Variants in ASAP1 observed in about 807,000 individuals in gnomAD.
ASAP1 encodes arf-GAP with SH3 domain, ANK repeat and PH domain-containing protein 1.
In ASAP1, 43 loss-of-function variants were observed where a neutral mutation model predicts 145.2. The ratio of observed to expected loss-of-function variants is 0.30; its 90% CI spans 0.23 to 0.38. ASAP1 has a LOEUF of 0.38. Among genes scored for constraint, ASAP1 ranks in the 10% least tolerant of loss-of-function variants. The probability of loss-of-function intolerance (pLI) is 1.00; values close to 1 mark genes in which losing one functional copy is unlikely to be tolerated. For synonymous variants in ASAP1, 546 were observed against 515.5 expected, an observed-to-expected ratio of 1.06 and a Z score of -0.80; for missense variants, 1,018 against 1,355.3, an observed-to-expected ratio of 0.75 and a Z score of 3.91.
At chr8:130,297,932 G>T (rs892332012) in intron 3 of ASAP1, among the ~76,000 whole-genome samples, 2 of 152,154 alleles carry the variant, frequency 1.3e-5, no homozygotes, top group African/African-American at 4.8e-5. Flanking sequence ...TGGCCAGAGA[G>T]GCCATTGTCT....
At chr8:130,127,672 T>TA (rs1372496084) in intron 16 of ASAP1, among the ~76,000 whole-genome samples, 1 of 152,158 alleles carries the variant, frequency 6.6e-6, no homozygotes, top group Non-Finnish European at 1.5e-5. Flanking sequence ...ATGGTGCTTA[T>TA]ATACCTGGAC....
At chr8:130,143,123 G>A (rs1182824745) in intron 13 of ASAP1, among the ~76,000 whole-genome samples, 2 of 152,196 alleles carry the variant, frequency 1.3e-5, no homozygotes, top group Admixed American at 6.5e-5. Flanking sequence ...CATTGTTCCT[G>A]AAGGCTGTCT....
chr8:130,210,746 A>G (rs956956483), intron 5 of ASAP1, among the ~76,000 whole-genome samples: 1 of 152,196 alleles, frequency 6.6e-6, no homozygotes, highest in Non-Finnish European at 1.5e-5. Context: ...CTCAATCCCT[A>G]ATTGCACCAT....
chr8:130,374,440 C>T (rs1163097005), intron 2 of ASAP1, among the ~76,000 whole-genome samples: 1 of 152,164 alleles, frequency 6.6e-6, no homozygotes, highest in African/African-American at 2.4e-5. Flanking sequence ...GAGTCCAAGG[C>T]AGGAGGATTG....
chr8:130,134,262 C>G, intron 15 of ASAP1, 34 bp downstream of exon 15: 2 of 1,508,986 alleles, frequency 1.3e-6, no homozygotes, highest in Middle Eastern at 1.7e-4. Flanking sequence ...TTTTTCAATC[C>G]AAGGCATCGC....
intron 3 of ASAP1, among the ~76,000 whole-genome samples, chr8:130,355,202 A>G (rs987786857): frequency 6.6e-6 from 1 of 152,150 alleles, no homozygotes; most frequent in African/African-American, 2.4e-5. Context: ...TTTCTCATCT[A>G]CTTCCAAGAG....
At chr8:130,060,105 A>G (rs1226360398) in intron 28 of ASAP1, among the ~76,000 whole-genome samples, 1 of 140,180 alleles carries the variant, frequency 7.1e-6, no homozygotes, top group Non-Finnish European at 1.6e-5. Context: ...AAAAAAAAAA[A>G]TAGAGAGAGA....
chr8:130,267,055 C>T (rs1442952211), intron 3 of ASAP1, among the ~76,000 whole-genome samples: 1 of 148,580 alleles, frequency 6.7e-6, no homozygotes, highest in Non-Finnish European at 1.5e-5. Flanking sequence ...AAAAAGTAGT[C>T]ATTAAGAGGA....
chr8:130,165,577 A>G lies in ASAP1; in HGVS notation c.909+1959T>C, dbSNP rs73712882. Among the ~76,000 whole-genome samples, 698 of 152,282 alleles carry G rather than the reference A, an allele frequency of 4.6e-3. 9 individuals are homozygous for G. The highest frequency in any genetic ancestry group is 0.016 in the African/African-American group (676 of 41,554). Reference sequence around the variant, plus strand: ...GTCTAATACTTGGAAATTCTTGTAAATCACAGTCAGAGGCCTCAAACCACA... The same window carrying G: ...GTCTAATACTTGGAAATTCTTGTAAGTCACAGTCAGAGGCCTCAAACCACA... On this transcript the variant is annotated intron_variant, in intron 11 of 29. Transcript: ENST00000518721.
At chr8:130,075,438 G>C (rs1410825093) in intron 27 of ASAP1, among the ~76,000 whole-genome samples, 3 of 152,202 alleles carry the variant, frequency 2.0e-5, no homozygotes, top group Non-Finnish European at 4.4e-5. Flanking sequence ...CCCCCAGTTT[G>C]ACTTCTGCTC....
At chr8:130,326,390 A>T (rs1341238388) in intron 3 of ASAP1, among the ~76,000 whole-genome samples, 1 of 152,254 alleles carries the variant, frequency 6.6e-6, no homozygotes, top group East Asian at 1.9e-4. Context: ...ATAAAACATC[A>T]GTGCTGCAAT....
At chr8:130,375,814 C>T (rs1827461326) in intron 2 of ASAP1, among the ~76,000 whole-genome samples, 1 of 152,158 alleles carries the variant, frequency 6.6e-6, no homozygotes, top group Non-Finnish European at 1.5e-5. Flanking sequence ...AGGTTAAATA[C>T]TAAAAAGCAT....
intron 13 of ASAP1, among the ~76,000 whole-genome samples, chr8:130,144,490 T>C (rs2097622264): frequency 1.3e-5 from 2 of 152,226 alleles, no homozygotes; most frequent in Admixed American, 6.5e-5. Flanking sequence ...TGAACAAATC[T>C]CTTCTCACTT....
chr8:130,284,043 A>C (rs1226428940), intron 3 of ASAP1, among the ~76,000 whole-genome samples: 1 of 152,274 alleles, frequency 6.6e-6, no homozygotes, highest in East Asian at 1.9e-4. Context: ...GCTTTTTGTT[A>C]GACTCATCAT....
intron 5 of ASAP1, among the ~76,000 whole-genome samples, chr8:130,194,865 G>A (rs1815373808): frequency 6.6e-6 from 1 of 152,136 alleles, no homozygotes; most frequent in Non-Finnish European, 1.5e-5. Context: ...GAGTCAGCAG[G>A]GGTTGGGGGC....
chr8:130,353,212 C>T (rs1272050822), intron 3 of ASAP1, among the ~76,000 whole-genome samples: 1 of 152,200 alleles, frequency 6.6e-6, no homozygotes, highest in African/African-American at 2.4e-5. Flanking sequence ...ATCTGGATAA[C>T]CCCAATACCT....
At chr8:130,214,506 A>G (rs2303444) in intron 5 of ASAP1, 50 bp downstream of exon 5, 174,066 of 1,508,802 alleles carry the variant, frequency 0.12, 11,753 homozygotes, top group South Asian at 0.26. Context: ...ATATGACGTA[A>G]TATTTTGGAA....
At position 130,092,014 on chromosome 8, in the gene ASAP1, G is replaced by C; in HGVS notation, c.2531C>G (p.Pro844Arg). ...HKRTLSDPPSPLPHGPPNKGA... is the reference protein window; with the variant it reads ...HKRTLSDPPSRLPHGPPNKGA... ...TTTGTTTGGGGGCCCATGAGGTAGT[G>C]GGCTGGGAGGGTCGGATAGGGTTCT... is the stretch of plus-strand genomic sequence containing the variant. The change falls in exon 25 of 30, where the codon CCA becomes CGA. Residue 844 changes from proline (P) to arginine (R), a missense_variant. Transcript: ENST00000518721. The C allele has an allele frequency of 1.3e-6, 2 of 1,570,030 alleles. No homozygotes were observed. Among genetic ancestry groups the C allele is most frequent in the Non-Finnish European group, 1.7e-6 (2 of 1,163,110 alleles).
intron 3 of ASAP1, among the ~76,000 whole-genome samples, chr8:130,324,650 T>C (rs1824212818): frequency 6.6e-6 from 1 of 152,172 alleles, no homozygotes; most frequent in African/African-American, 2.4e-5. Flanking sequence ...TTAGGAAGCA[T>C]AATTCGTAAA....
Sources: gnomAD v4.1 joint callset for allele counts (sites outside exome capture counted in the v4.1 genomes callset) on GRCh38, gnomAD v4.1.1 for gene constraint, MANE v1.5 for transcripts, NCBI Gene and HGNC (gene_info 2026-07-23, HGNC 2026-07-21) for gene names.